Variants in SLC8A3 observed in about 807,000 individuals in gnomAD.
The protein encoded by SLC8A3 is solute carrier family 8 member A3.
A neutral mutation model predicts 65.4 loss-of-function variants in SLC8A3; 37 were observed. That is an observed-to-expected ratio of 0.57 (90% CI 0.44 to 0.74). The LOEUF (loss-of-function observed/expected upper bound fraction) is 0.74. SLC8A3 is among the 30% of genes least tolerant of loss of function. The pLI, the probability that SLC8A3 is intolerant of heterozygous loss-of-function variation, is 0.00. For missense variants in SLC8A3, 1,112 were observed against 1,172.1 expected (o/e 0.95, Z 0.75); for synonymous variants, 461 against 444.5 (o/e 1.04, Z -0.47).
intron 2 of SLC8A3, among the ~76,000 whole-genome samples, chr14:70,065,198 A>G (rs1318556355): frequency 6.6e-6 from 1 of 152,158 alleles, no homozygotes; most frequent in Non-Finnish European, 1.5e-5. Context: ...CTAAATGGGT[A>G]CAACCTCCCT....
intron 1 of SLC8A3, among the ~76,000 whole-genome samples, chr14:70,170,118 CAGACTTA>C (rs1171833495): frequency 6.6e-6 from 1 of 152,110 alleles, no homozygotes; most frequent in Non-Finnish European, 1.5e-5. Flanking sequence ...AACAAACAAA[CAGACTTA>C]AGCATATCGC....
intron 3 of SLC8A3, 151 bp from the exon 4 acceptor site, chr14:70,052,265 G>T: frequency 1.1e-6 from 1 of 929,918 alleles, no homozygotes; most frequent in Non-Finnish European, 1.5e-6. Context: ...TTTTTATGAA[G>T]TACTAAACAC....
intron 3 of SLC8A3, 182 bp downstream of exon 3, chr14:70,060,654 G>A (rs1287222430): frequency 1.4e-6 from 1 of 737,616 alleles, no homozygotes; most frequent in African/African-American, 1.7e-5. Flanking sequence ...AACAGGGTGA[G>A]AGCGAGAATA....
chr14:70,054,043 G>A (rs764037501), intron 3 of SLC8A3, among the ~76,000 whole-genome samples: 3 of 152,202 alleles, frequency 2.0e-5, no homozygotes, highest in Non-Finnish European at 2.9e-5. Context: ...AATGGCAGGT[G>A]ATCTAGATAT....
intron 2 of SLC8A3, among the ~76,000 whole-genome samples, chr14:70,124,948 A>T (rs777447210): frequency 6.6e-6 from 1 of 152,190 alleles, no homozygotes; most frequent in Non-Finnish European, 1.5e-5. Flanking sequence ...CTTATTCGTT[A>T]TGTCTTTTAT....
At chr14:70,083,660 C>T (rs1357406115) in intron 2 of SLC8A3, among the ~76,000 whole-genome samples, 2 of 152,204 alleles carry the variant, frequency 1.3e-5, no homozygotes, top group Non-Finnish European at 2.9e-5. Flanking sequence ...TCATTTTATT[C>T]TCTTAACAGC....
chr14:70,173,158 A>C (rs2140401570), intron 1 of SLC8A3, among the ~76,000 whole-genome samples: 1 of 152,350 alleles, frequency 6.6e-6, no homozygotes, highest in East Asian at 1.9e-4. Flanking sequence ...CCAAAGAATG[A>C]CATGGTATGA....
chr14:70,066,597 G>C (rs781087809), intron 2 of SLC8A3, among the ~76,000 whole-genome samples: 31 of 152,138 alleles, frequency 2.0e-4, no homozygotes, highest in Non-Finnish European at 3.5e-4. Flanking sequence ...GATCGCTTGA[G>C]GTCAGGAGCT....
intron 3 of SLC8A3, among the ~76,000 whole-genome samples, chr14:70,057,750 C>T (rs1172756875): frequency 6.6e-6 from 1 of 152,146 alleles, no homozygotes; most frequent in Non-Finnish European, 1.5e-5. Flanking sequence ...AGGTGAGAGT[C>T]ATTTATTCCT....
At chr14:70,072,388 A>G (rs1890088300) in intron 2 of SLC8A3, among the ~76,000 whole-genome samples, 2 of 152,156 alleles carry the variant, frequency 1.3e-5, no homozygotes, top group Non-Finnish European at 1.5e-5. Flanking sequence ...GGGCAAAAAG[A>G]GGGAATTTCT....
At chr14:70,083,406 C>A (rs1295670580) in intron 2 of SLC8A3, among the ~76,000 whole-genome samples, 1 of 152,152 alleles carries the variant, frequency 6.6e-6, no homozygotes, top group Admixed American at 6.5e-5. Flanking sequence ...TGGTCTGTTT[C>A]CTCTCTCCCA....
intron 2 of SLC8A3, among the ~76,000 whole-genome samples, chr14:70,112,964 T>C (rs1437938916): frequency 6.6e-6 from 1 of 152,236 alleles, no homozygotes; most frequent in Non-Finnish European, 1.5e-5. Flanking sequence ...GACCTCATCT[T>C]AACTTACTAC....
intron 3 of SLC8A3, among the ~76,000 whole-genome samples, chr14:70,054,602 A>G (rs910147522): frequency 6.6e-6 from 1 of 152,252 alleles, no homozygotes; most frequent in Admixed American, 6.5e-5. Context: ...AGAAAAACCC[A>G]ATGTTATGAA....
chr14:70,058,874 G>T (rs896832940), intron 3 of SLC8A3, among the ~76,000 whole-genome samples: 16 of 152,292 alleles, frequency 1.1e-4, no homozygotes, highest in Middle Eastern at 3.4e-3. Context: ...ACTGATGAAG[G>T]TGACTTACAA....
chr14:70,103,820 A>G (rs75858940), intron 2 of SLC8A3, among the ~76,000 whole-genome samples: 13,507 of 152,104 alleles, frequency 0.089, 1,377 homozygotes, highest in East Asian at 0.43. Flanking sequence ...TATTATATGG[A>G]AAGGCAGAAA....
At chr14:70,132,306 A>G (rs759870154) in intron 2 of SLC8A3, among the ~76,000 whole-genome samples, 1 of 152,226 alleles carries the variant, frequency 6.6e-6, no homozygotes, top group Non-Finnish European at 1.5e-5. Context: ...AATATTTGGG[A>G]GCCCATCCCT....
intron 2 of SLC8A3, among the ~76,000 whole-genome samples, chr14:70,097,262 C>T (rs1892242447): frequency 6.9e-6 from 1 of 145,584 alleles, no homozygotes; most frequent in African/African-American, 2.5e-5. Flanking sequence ...ATTTAGATAC[C>T]ACCCTCAGAA....
At chr14:70,188,323 C>T (rs1448675293) in intron 1 of SLC8A3, 56 bp downstream of exon 1, 2 of 152,532 alleles carry the variant, frequency 1.3e-5, no homozygotes, top group African/African-American at 2.4e-5. Context: ...CCTCTACCTC[C>T]CATGTCTCGG....
intron 2 of SLC8A3, among the ~76,000 whole-genome samples, chr14:70,104,400 C>A (rs1050816490): frequency 6.6e-6 from 1 of 152,060 alleles, no homozygotes; most frequent in South Asian, 2.1e-4. Context: ...GGCCATTTCT[C>A]TCTTTAGTTC....
Sources: allele counts gnomAD v4.1 joint callset (sites outside exome capture counted in the v4.1 genomes callset), GRCh38; gene constraint gnomAD v4.1.1; transcripts MANE v1.5; gene names NCBI Gene and HGNC (gene_info 2026-07-23, HGNC 2026-07-21).